RRM2: variants seen among roughly 807,000 people sequenced by gnomAD.
RRM2 encodes ribonucleoside-diphosphate reductase subunit M2.
Under a neutral mutation model 45.9 loss-of-function variants are expected in RRM2, and 6 were observed. The observed-to-expected ratio is 0.13, with a 90% CI of 0.07 to 0.26. The LOEUF is 0.26. Ranked by LOEUF, RRM2 falls within the 10% of genes least tolerant of loss-of-function variation. The pLI, the probability that RRM2 is intolerant of heterozygous loss-of-function variation, is 1.00. For synonymous variants in RRM2, 177 were observed against 173.0 expected (o/e 1.02, Z -0.18); for missense variants, 343 against 489.5 (o/e 0.70, Z 2.82).
At chr2:10,181,251 T>C (rs915921287) in intron 3 of RRM2, among the ~76,000 whole-genome samples, 8 of 152,246 alleles carry the variant, frequency 5.3e-5, no homozygotes, top group Admixed American at 1.3e-4. Context: ...GAGTGGTTAA[T>C]TAATTTGCCC....
chr2:10,189,177 C>T (rs558742800), intron 3 of RRM2, among the ~76,000 whole-genome samples: 9 of 152,372 alleles, frequency 5.9e-5, no homozygotes, highest in South Asian at 2.1e-4. Context: ...CCCACCTGGC[C>T]GAGGAGGTGC....
chr2:10,184,701 G>A (rs1305648969), intron 3 of RRM2, among the ~76,000 whole-genome samples: 1 of 152,222 alleles, frequency 6.6e-6, no homozygotes, highest in Non-Finnish European at 1.5e-5. Context: ...CGGTCTCCAT[G>A]GGTTTGGGGC....
chr2:10,204,826 C>T lies in RRM2; in HGVS notation n.483-5485C>T, dbSNP rs751509249. Among the ~76,000 whole-genome samples, 9 of 152,202 alleles carry T rather than the reference C, an allele frequency of 5.9e-5. No homozygotes were observed. Among genetic ancestry groups the T allele is most frequent in the African/African-American group, 9.7e-5 (4 of 41,446 alleles). On this transcript the variant is annotated intron_variant and non_coding_transcript_variant, in intron 3 of 3. Coordinates refer to the RRM2 transcript ENST00000381786. This position sits in a 1 kb window ranked among gnomAD's most constrained non-coding sequence, Gnocchi z 4.0. The stretch of plus-strand genomic sequence containing the variant: ...TGGGTGGCACTGAACGCCGAGGCCA[C>T]GGCCCGTCCTGATGTGGTCAGAGAT...
chr2:10,206,968 C>G (rs1664676249), intron 3 of RRM2, among the ~76,000 whole-genome samples: 1 of 152,216 alleles, frequency 6.6e-6, no homozygotes, highest in Non-Finnish European at 1.5e-5. Flanking sequence ...GAGACTCTCA[C>G]TAAAGGGCCT....
chr2:10,171,784 A>G lies in RRM2; in HGVS notation n.482+29409A>G, dbSNP rs1663812280. Among the ~76,000 whole-genome samples, 1 of 152,200 alleles carries G rather than the reference A, an allele frequency of 6.6e-6. No homozygotes were observed. Among genetic ancestry groups the G allele is most frequent in the African/African-American group, 2.4e-5 (1 of 41,440 alleles). On this transcript the variant is annotated intron_variant and non_coding_transcript_variant, in intron 3 of 3. Coordinates refer to the RRM2 transcript ENST00000381786. The surrounding 1 kb of genome is among the most constrained non-coding windows in gnomAD (Gnocchi z 4.1). The stretch of plus-strand genomic sequence containing the variant: ...ACCTCTCCACCAGCAACGTCCCTGA[A>G]ACAGTCTTTCTTATTAAAAAATATT...
At chr2:10,143,074 C>T (rs1213002531) in intron 3 of RRM2, among the ~76,000 whole-genome samples, 2 of 152,192 alleles carry the variant, frequency 1.3e-5, no homozygotes, top group African/African-American at 2.4e-5. Context: ...AGAGTTTCAC[C>T]GTGTTAGCCA....
intron 3 of RRM2, among the ~76,000 whole-genome samples, chr2:10,180,656 C>T (rs563486947): frequency 3.9e-5 from 6 of 152,228 alleles, no homozygotes; most frequent in Admixed American, 3.9e-4. Context: ...TTCTATGAAG[C>T]CCTCTCCATC....
At chr2:10,203,683 G>A (rs187107996) in intron 3 of RRM2, among the ~76,000 whole-genome samples, 6 of 152,156 alleles carry the variant, frequency 3.9e-5, no homozygotes, top group East Asian at 3.9e-4. Flanking sequence ...CCCGGGAGGC[G>A]GAGGTTGCAG....
intron 3 of RRM2, among the ~76,000 whole-genome samples, chr2:10,201,053 C>G (rs1167915624): frequency 6.6e-6 from 1 of 151,038 alleles, no homozygotes; most frequent in East Asian, 1.9e-4. Flanking sequence ...GAGGCTGAGG[C>G]AGGGAGAATT....
At position 10,195,850 on chromosome 2, in the gene RRM2, T is replaced by C. The variant is rs1664404337; in HGVS notation, n.483-14461T>C. On this transcript the variant is annotated intron_variant and non_coding_transcript_variant, in intron 3 of 3. Coordinates refer to the RRM2 transcript ENST00000381786. The surrounding 1 kb of genome is among the most constrained non-coding windows in gnomAD (Gnocchi z 4.9). ...GTTAGGATAAACGTGCTAAGGAGGC[T>C]CTGGAAAAGAATTTTCCTGCTTGGA... 6.6e-6 allele frequency among the ~76,000 whole-genome samples: 1 copy of C among 152,146 alleles called. No individual in the cohort carries two copies. Among genetic ancestry groups the C allele is most frequent in the South Asian group, 2.1e-4 (1 of 4,830 alleles).
intron 3 of RRM2, among the ~76,000 whole-genome samples, chr2:10,207,075 T>G (rs1664677951): frequency 6.6e-6 from 1 of 152,238 alleles, no homozygotes; most frequent in South Asian, 2.1e-4. Context: ...AAACTCAGTA[T>G]GTCCAGAAAG....
intron 3 of RRM2, among the ~76,000 whole-genome samples, chr2:10,196,253 G>A (rs1433156609): frequency 6.6e-6 from 1 of 152,174 alleles, no homozygotes; most frequent in Non-Finnish European, 1.5e-5. Flanking sequence ...GCCAGAGAGG[G>A]GTGGGGTGGG....
downstream of RRM2, among the ~76,000 whole-genome samples, chr2:10,131,831 G>A (rs1662907667): frequency 6.6e-6 from 1 of 152,238 alleles, no homozygotes; most frequent in African/African-American, 2.4e-5. Flanking sequence ...GGCACAAGGT[G>A]TATAGGAGAC....
At chr2:10,151,706 A>G (rs576890804) in intron 3 of RRM2, among the ~76,000 whole-genome samples, 7 of 152,294 alleles carry the variant, frequency 4.6e-5, no homozygotes, top group Non-Finnish European at 7.3e-5. Flanking sequence ...ACCGCTTTAC[A>G]TGCCTCTGAG....
chr2:10,145,217 CAG>C (rs1222052058), intron 3 of RRM2, among the ~76,000 whole-genome samples: 1 of 152,116 alleles, frequency 6.6e-6, no homozygotes, highest in African/African-American at 2.4e-5. Context: ...GGTGGGTAGA[CAG>C]GGGCCAGGTC....
In RRM2 at chr2:10,150,776, T is replaced by G. The variant is rs574869830; in HGVS notation, n.482+8401T>G. ...AGAATCCTACAGTGTGTTGTGTTTT[T>G]TTTTTTTTTTTTTTGATGTGGTTTC... On this transcript the variant is annotated intron_variant and non_coding_transcript_variant, in intron 3 of 3. Transcript: ENST00000381786. 3.4e-5 allele frequency among the ~76,000 whole-genome samples: 5 copies of G among 146,728 alleles called. No individual in the cohort carries two copies. The South Asian group carries it at 8.5e-4, about 25-fold the overall frequency.
chr2:10,150,807 C>T (rs1018283883), intron 3 of RRM2, among the ~76,000 whole-genome samples: 105 of 98,132 alleles, frequency 1.1e-3, no homozygotes, highest in African/African-American at 3.7e-3. Flanking sequence ...GTTTCTCTCA[C>T]TTAGCATAGT....
At position 10,123,396 on chromosome 2, in the gene RRM2, G is replaced by A. The variant is rs763302312; in HGVS notation, c.184G>A (p.Ala62Thr). 4 of 1,602,518 alleles carry A rather than the reference G, an allele frequency of 2.5e-6. No homozygotes were observed. Among genetic ancestry groups the A allele is most frequent in the Non-Finnish European group, 2.5e-6 (3 of 1,176,966 alleles). ...TTTTCTCCCCCAACAGAAAACTAAAGCAGCTGCCCCCGGCGTGGAGGATGA... is the reference window on the plus strand; with the variant it reads ...TTTTCTCCCCCAACAGAAAACTAAAACAGCTGCCCCCGGCGTGGAGGATGA... The part of the protein sequence containing the change: ...FQEPTEPKTK[A>T]AAPGVEDEPL... The change falls in exon 3 of 10, where the codon GCA becomes ACA. Residue 62 changes from alanine to threonine, a missense_variant. Physicochemically the swap from Ala to Thr is moderately conservative, Grantham distance 58 (BLOSUM62 0). Coordinates refer to ENST00000304567, the MANE Select transcript of RRM2 (RefSeq NM_001034.4).
chr2:10,209,616 CGTGTGTGTGT>C (rs57435746), intron 3 of RRM2, among the ~76,000 whole-genome samples: 36,710 of 150,608 alleles, frequency 0.24, 5,331 homozygotes, highest in Admixed American at 0.32. Flanking sequence ...TGCGTGCATG[CGTGTGTGTGT>C]GTGTGTGTGT....
Sources: gnomAD v4.1 joint callset for allele counts (sites outside exome capture counted in the v4.1 genomes callset) on GRCh38, gnomAD v4.1.1 for gene constraint, Gnocchi (gnomAD v3.1) non-coding constraint, MANE v1.5 for transcripts, NCBI Gene and HGNC (gene_info 2026-07-23, HGNC 2026-07-21) for gene names.